Variants in FAM149A observed in about 807,000 individuals in gnomAD.
FAM149A encodes family with sequence similarity 149 member A, also known as protein FAM149A.
In FAM149A, 71 loss-of-function variants were observed where a neutral mutation model predicts 78.2. The observed-to-expected ratio is 0.91, with a 90% CI of 0.75 to 1.11. The LOEUF (loss-of-function observed/expected upper bound fraction) is 1.11. Ranked by LOEUF, FAM149A falls within the 50% of genes least tolerant of loss-of-function variation. The probability of loss-of-function intolerance (pLI) is 0.00; values close to 1 mark genes in which losing one functional copy is unlikely to be tolerated. For synonymous variants in FAM149A, 446 were observed against 410.5 expected (o/e 1.09, Z -1.04); for missense variants, 1,036 against 971.0 (o/e 1.07, Z -0.89).
chr4:186,141,665 C>T (rs1579850999), intron 1 of FAM149A, among the ~76,000 whole-genome samples: 1 of 152,114 alleles, frequency 6.6e-6, no homozygotes, highest in Non-Finnish European at 1.5e-5. Flanking sequence ...AAACTTTGAC[C>T]ATCACAGTCT....
In FAM149A at chr4:186,106,140, T is replaced by C. The variant is rs145716737; in HGVS notation, c.566+498T>C. ...TCCTTTGTGTGACATCTAGTTAATT[T>C]ACATATGCATGACATCATCTGACAC... On this transcript the variant is annotated intron_variant, in intron 1 of 13. Coordinates refer to ENST00000389354, the MANE Select transcript of FAM149A (RefSeq NM_001367768.3). 1.4e-3 allele frequency among the ~76,000 whole-genome samples: 220 copies of C among 152,270 alleles called. 1 individual carries two copies. The highest frequency in any genetic ancestry group is 2.0e-3 in the Admixed American group (31 of 15,294).
chr4:186,167,001 A>G lies in FAM149A; in HGVS notation c.2044A>G (p.Ser682Gly). Residue 682 changes from serine to glycine, a missense_variant, in exon 12 of 14, where the codon AGT becomes GGT. Physicochemically the swap from Ser to Gly is moderately conservative, Grantham distance 56. Coordinates refer to ENST00000389354, the MANE Select transcript of FAM149A (RefSeq NM_001367768.3). ...AAGGCATCTACAAAACCGTGTGTTG[A>G]GTGCCATGCCTGACGGTACAGAACG... is the stretch of plus-strand genomic sequence containing the variant. 6.2e-7 allele frequency: 1 copy of G among 1,614,074 alleles called. No individual in the cohort carries two copies. The highest frequency in any genetic ancestry group is 1.3e-5 in the African/African-American group (1 of 75,030).
In FAM149A at chr4:186,154,557, C is replaced by T. The variant is rs370460098; in HGVS notation, c.1148C>T (p.Thr383Met). 4.6e-5 allele frequency: 75 copies of T among 1,613,972 alleles called. No individual in the cohort carries two copies. Among genetic ancestry groups the T allele is most frequent in the South Asian group, 2.5e-4 (23 of 91,078 alleles). ...GATGACACAGGGGTTGCTGACCTAA[C>T]GGCACGTTCATCCCTGGAAGAAGAG... is the stretch of plus-strand genomic sequence containing the variant. The change falls in exon 6 of 14, where the codon ACG (threonine) becomes ATG (methionine). Residue 383 changes from threonine to methionine, a missense_variant. Physicochemically the swap from Thr to Met is moderately conservative, Grantham distance 81. Coordinates refer to ENST00000389354, the MANE Select transcript of FAM149A (RefSeq NM_001367768.3).
chr4:186,142,286 G>T (rs2126416604), intron 1 of FAM149A, among the ~76,000 whole-genome samples: 1 of 152,262 alleles, frequency 6.6e-6, no homozygotes, highest in African/African-American at 2.4e-5. Flanking sequence ...GTGTGGAGAA[G>T]GCTGTTGCCT....
chr4:186,153,683 G>A lies in FAM149A; in HGVS notation c.971G>A (p.Gly324Asp). 6.2e-7 allele frequency: 1 copy of A among 1,614,104 alleles called. No individual in the cohort carries two copies. The highest frequency in any genetic ancestry group is 8.5e-7 in the Non-Finnish European group (1 of 1,179,958). ...CAGCTGATCCTGCCCACTGACAAAG[G>A]CGTCCAGCATTTCCAGGGCAGCACT... Residue 324 changes from glycine to aspartate, a missense_variant, in exon 5 of 14, where the codon GGC (glycine) becomes GAC (aspartate). Transcript: ENST00000389354.
intron 1 of FAM149A, among the ~76,000 whole-genome samples, chr4:186,110,864 T>C (rs2099310966): frequency 6.6e-6 from 1 of 150,478 alleles, no homozygotes; most frequent in Non-Finnish European, 1.5e-5. Context: ...TATGTGTGCA[T>C]GTGTCTTTAT....
chr4:186,127,892 T>C (rs2099319043), intron 1 of FAM149A, among the ~76,000 whole-genome samples: 1 of 151,728 alleles, frequency 6.6e-6, no homozygotes, highest in Non-Finnish European at 1.5e-5. Flanking sequence ...TTCACCATGT[T>C]GGCCAGGCTG....
chr4:186,132,332 C>A, intron 1 of FAM149A: 1 of 587,386 alleles, frequency 1.7e-6, no homozygotes, highest in Non-Finnish European at 2.1e-6. Context: ...GTTATTGATG[C>A]AGAGATAAAC....
rs960380240 is a variant in FAM149A, at chr4:186,107,124, T to G, written c.566+1482T>G. Reference sequence around the variant, plus strand: ...GCCTGAGGAATTAGATCTTTGTTATTGGCAACTGGTCCTTAACATTTATGC... The same window carrying G: ...GCCTGAGGAATTAGATCTTTGTTATGGGCAACTGGTCCTTAACATTTATGC... On this transcript the variant is annotated intron_variant, in intron 1 of 13. Coordinates refer to ENST00000389354, the MANE Select transcript of FAM149A (RefSeq NM_001367768.3). Among the ~76,000 whole-genome samples the G allele has an allele frequency of 3.9e-5, 6 of 152,202 alleles. No individual in the cohort carries two copies. The East Asian group carries it at 1.2e-3, about 29-fold the overall frequency.
intron 1 of FAM149A, chr4:186,109,691 T>C (rs2099310392): frequency 1.0e-6 from 1 of 983,020 alleles, no homozygotes; most frequent in South Asian, 4.7e-5. Flanking sequence ...GATTACTACC[T>C]GCTTCTTGGC....
intron 1 of FAM149A, among the ~76,000 whole-genome samples, chr4:186,135,766 A>C (rs971223994): frequency 6.6e-6 from 1 of 152,202 alleles, no homozygotes; most frequent in Non-Finnish European, 1.5e-5. Context: ...CAGATCACCC[A>C]CAACAAGCAC....
chr4:186,120,905 G>C (rs1323708634), intron 1 of FAM149A, among the ~76,000 whole-genome samples: 1 of 135,412 alleles, frequency 7.4e-6, no homozygotes, highest in Admixed American at 7.7e-5. Context: ...CCAGGCTGGA[G>C]TGCAGTGGCG....
rs920491934 is a variant in FAM149A, at chr4:186,122,155, C to T, written c.566+16513C>T. On this transcript the variant is annotated intron_variant, in intron 1 of 13. Transcript: ENST00000389354. ...ATGAAGAAGTCTGAAAGAAGCTATTCGTAAAGAAACCATGAGATGAATGTA... is the reference window on the plus strand; with the variant it reads ...ATGAAGAAGTCTGAAAGAAGCTATTTGTAAAGAAACCATGAGATGAATGTA... 5.3e-5 allele frequency among the ~76,000 whole-genome samples: 8 copies of T among 152,216 alleles called. No individual in the cohort carries two copies. In the East Asian group the frequency reaches 1.2e-3, roughly 22 times the overall value.
At chr4:186,142,522 C>G (rs2099326273) in intron 1 of FAM149A, among the ~76,000 whole-genome samples, 1 of 152,144 alleles carries the variant, frequency 6.6e-6, no homozygotes, top group African/African-American at 2.4e-5. Flanking sequence ...CTCTTTCATT[C>G]TGGGACTGCT....
At chr4:186,152,312 A>G (rs1300500597) in intron 4 of FAM149A, among the ~76,000 whole-genome samples, 2 of 152,184 alleles carry the variant, frequency 1.3e-5, no homozygotes, top group African/African-American at 4.8e-5. Context: ...GAATGCAAGA[A>G]TGGTGGAGGC....
chr4:186,125,680 ATGGGGCTTAATAAATGT>A, intron 1 of FAM149A: 1 of 983,438 alleles, frequency 1.0e-6, no homozygotes. Context: ...TGGCTGAAAT[ATGGGGCTTAATAAATGT>A]TGGGGAATTA....
intron 1 of FAM149A, chr4:186,130,285 C>CTATATATATA (rs1446324496): frequency 2.5e-5 from 1 of 40,336 alleles, no homozygotes; most frequent in Non-Finnish European, 4.3e-5. Context: ...CTCTCTCTCT[C>CTATATATATA]TCTCTCTCTA....
At chr4:186,133,158 A>G (rs2099321481) in intron 1 of FAM149A, 1 of 985,382 alleles carries the variant, frequency 1.0e-6, no homozygotes. Flanking sequence ...TACACACTAC[A>G]TTCTGCAAGC....
In FAM149A at chr4:186,174,748, C is replaced by T. The variant is rs1735669950; in HGVS notation, c.*2761C>T. Among the ~76,000 whole-genome samples, 1 of 110,880 alleles carries T rather than the reference C, an allele frequency of 9.0e-6. No individual in the cohort carries two copies. Among genetic ancestry groups the T allele is most frequent in the African/African-American group, 2.8e-5 (1 of 35,598 alleles). 72.7% of individuals were successfully genotyped at this position (110,880 alleles called of 152,430 possible). A position where few individuals can be genotyped will look rare whatever the true frequency, so the allele number is the denominator to read the frequency against. ...GACCTTCTCATTGCACTGATTTTTA[C>T]TCCATGTTAAAGTTAGTATTTTATT... On this transcript the variant is annotated 3_prime_UTR_variant, in exon 14 of 14. Transcript: ENST00000389354.
Sources: gnomAD v4.1 joint callset for allele counts (sites outside exome capture counted in the v4.1 genomes callset) on GRCh38, gnomAD v4.1.1 for gene constraint, MANE v1.5 for transcripts, NCBI Gene and HGNC (gene_info 2026-07-23, HGNC 2026-07-21) for gene names.